Variants in PLXNA4 observed in about 807,000 individuals in gnomAD.
PLXNA4 encodes the protein plexin A4, also known as plexin-A4.
In PLXNA4, 44 loss-of-function variants were observed where a neutral mutation model predicts 191.8. That is an observed-to-expected ratio of 0.23 (90% CI 0.18 to 0.29). The LOEUF is 0.29. Among genes scored for constraint, PLXNA4 ranks in the 10% least tolerant of loss-of-function variants. The probability of loss-of-function intolerance (pLI) is 1.00; values close to 1 mark genes in which losing one functional copy is unlikely to be tolerated. For missense variants in PLXNA4, 1,800 were observed against 2,488.8 expected (o/e 0.72, Z 5.89); for synonymous variants, 1,082 against 1,009.5 (o/e 1.07, Z -1.36).
At chr7:132,601,218 T>TA (rs1419812387) in intron 2 of PLXNA4, among the ~76,000 whole-genome samples, 7 of 151,836 alleles carry the variant, frequency 4.6e-5, no homozygotes, top group Non-Finnish European at 8.8e-5. Context: ...ATATTTAATG[T>TA]AAAAAAATAC....
chr7:132,616,214 C>T (rs1168494177), intron 2 of PLXNA4, among the ~76,000 whole-genome samples: 5 of 152,192 alleles, frequency 3.3e-5, no homozygotes, highest in African/African-American at 9.7e-5. Flanking sequence ...TTAAAAAGCA[C>T]GTTGCCTCTT....
chr7:132,171,423 C>T (rs1014968530), intron 21 of PLXNA4, among the ~76,000 whole-genome samples: 4 of 152,210 alleles, frequency 2.6e-5, no homozygotes, highest in Non-Finnish European at 5.9e-5. Context: ...TCTAGCCCTA[C>T]CCCTGGGCTT....
chr7:132,159,684 C>A, intron 24 of PLXNA4, 52 bp from the exon 25 acceptor site: 1 of 1,602,458 alleles, frequency 6.2e-7, no homozygotes. Flanking sequence ...GCAGGAAAAG[C>A]TCCTAGATCC....
At chr7:132,532,553 T>C (rs1388310333) in intron 1 of PLXNA4, among the ~76,000 whole-genome samples, 4 of 152,244 alleles carry the variant, frequency 2.6e-5, no homozygotes, top group Non-Finnish European at 4.4e-5. Flanking sequence ...TTATGCACAA[T>C]GCATTATCCT....
chr7:132,169,518 G>T (rs1796221179), intron 21 of PLXNA4, among the ~76,000 whole-genome samples: 1 of 152,228 alleles, frequency 6.6e-6, no homozygotes, highest in Non-Finnish European at 1.5e-5. Flanking sequence ...CAATGAGAAT[G>T]AATGACCTAT....
At chr7:132,309,324 G>A (rs1022148056) in intron 3 of PLXNA4, among the ~76,000 whole-genome samples, 2 of 152,180 alleles carry the variant, frequency 1.3e-5, no homozygotes, top group African/African-American at 4.8e-5. Flanking sequence ...AGGATGGAGG[G>A]CAGAGGTGGG....
At chr7:132,333,377 G>A (rs987503855) in intron 3 of PLXNA4, among the ~76,000 whole-genome samples, 1 of 152,248 alleles carries the variant, frequency 6.6e-6, no homozygotes, top group African/African-American at 2.4e-5. Flanking sequence ...GAGCTCCCGT[G>A]CATCTTCAGC....
rs1374406634 is a variant in PLXNA4 at position 132,595,014 on chromosome 7, T to TAGAC, written c.-87+50913_-87+50914insGTCT. ...ATAGATAGATAGATAGATAGATAGA[T>TAGAC]AGATAGACAGACAGACAGACAGACA... is the stretch of plus-strand genomic sequence containing the variant. On this transcript the variant is annotated intron_variant, in intron 2 of 4. Transcript: ENST00000378539. Among the ~76,000 whole-genome samples, 31 of 22,880 alleles carry TAGAC rather than the reference T, an allele frequency of 1.4e-3. 1 individual carries two copies. The highest frequency in any genetic ancestry group is 3.3e-3 in the East Asian group (2 of 606). The allele number at this position is 22,880 out of a possible 152,430, so 15.0% of individuals were successfully genotyped here.
intron 1 of PLXNA4, among the ~76,000 whole-genome samples, chr7:132,514,254 T>C (rs1025573239): frequency 6.6e-6 from 1 of 151,610 alleles, no homozygotes; most frequent in Non-Finnish European, 1.5e-5. Context: ...GGTTTCACCA[T>C]GTTAGCCAGG....
At chr7:132,619,626 A>G (rs1803222302) in intron 2 of PLXNA4, among the ~76,000 whole-genome samples, 1 of 152,258 alleles carries the variant, frequency 6.6e-6, no homozygotes, top group Non-Finnish European at 1.5e-5. Flanking sequence ...TGACTGTCTT[A>G]TTCATGGCTC....
chr7:132,317,095 GA>G (rs1801973255), intron 3 of PLXNA4, among the ~76,000 whole-genome samples: 1 of 152,138 alleles, frequency 6.6e-6, no homozygotes, highest in African/African-American at 2.4e-5. Context: ...GTGTTGTGTT[GA>G]ATTAGATTTA....
At chr7:132,180,835 C>A in intron 18 of PLXNA4, 103 bp from the exon 19 acceptor site, 3 of 1,508,132 alleles carry the variant, frequency 2.0e-6, no homozygotes, top group Non-Finnish European at 2.7e-6. Flanking sequence ...CGCTGGTGAG[C>A]TGGTGAAGAA....
At chr7:132,184,968 G>A (rs1198489224) in intron 16 of PLXNA4, among the ~76,000 whole-genome samples, 1 of 152,182 alleles carries the variant, frequency 6.6e-6, no homozygotes, top group Non-Finnish European at 1.5e-5. Flanking sequence ...TAGCACCTAT[G>A]TCTACCAGAA....
At chr7:132,203,542 TTGTGTGCATGTGTCTACC>T in intron 10 of PLXNA4, 123 bp from the exon 11 acceptor site, 1 of 798,124 alleles carries the variant, frequency 1.3e-6, no homozygotes. Context: ...AAGACTGTGC[TTGTGTGCATGTGTCTACC>T]TGTGTGCATA....
chr7:132,451,996 C>T (rs1015967670), intron 3 of PLXNA4, among the ~76,000 whole-genome samples: 2 of 152,244 alleles, frequency 1.3e-5, no homozygotes, highest in Admixed American at 1.3e-4. Flanking sequence ...TTACATCACA[C>T]TCCCTGCCCA....
intron 3 of PLXNA4, among the ~76,000 whole-genome samples, chr7:132,314,303 C>A (rs1307942705): frequency 1.3e-5 from 2 of 152,158 alleles, no homozygotes; most frequent in African/African-American, 4.8e-5. Context: ...TCCAGAAATA[C>A]CTACCATTAT....
At chr7:132,169,001 C>T (rs1168802401) in intron 21 of PLXNA4, among the ~76,000 whole-genome samples, 2 of 152,182 alleles carry the variant, frequency 1.3e-5, no homozygotes, top group African/African-American at 4.8e-5. Context: ...TAACCTAATG[C>T]CCACCCCTCT....
At chr7:132,390,843 C>T (rs889400525) in intron 3 of PLXNA4, among the ~76,000 whole-genome samples, 1 of 152,174 alleles carries the variant, frequency 6.6e-6, no homozygotes. Flanking sequence ...ATGAGCTGGG[C>T]TAAGGCCTTT....
chr7:132,142,979 C>T lies in PLXNA4; in HGVS notation c.5225+2140G>A, dbSNP rs1795313935. 5.3e-5 allele frequency among the ~76,000 whole-genome samples: 8 copies of T among 152,280 alleles called. No individual in the cohort carries two copies. The South Asian group carries it at 1.2e-3, about 24-fold the overall frequency. Reference sequence around the variant, plus strand: ...AGCCACAGCACCCACCTGAGGTTCCCGCCTAATGAAATATTAGCATATTAT... The same window carrying T: ...AGCCACAGCACCCACCTGAGGTTCCTGCCTAATGAAATATTAGCATATTAT... On this transcript the variant is annotated intron_variant, in intron 29 of 31. Transcript: ENST00000321063.
Sources: gnomAD v4.1 joint callset for allele counts (sites outside exome capture counted in the v4.1 genomes callset) on GRCh38, gnomAD v4.1.1 for gene constraint, MANE v1.5 for transcripts, NCBI Gene and HGNC (gene_info 2026-07-23, HGNC 2026-07-21) for gene names.